Variants in ZNF534 observed in about 807,000 individuals in gnomAD.
ZNF534 encodes zinc finger protein 534.
In ZNF534, 19 loss-of-function variants were observed where a neutral mutation model predicts 13.6. The ratio of observed to expected loss-of-function variants is 1.40; its 90% CI spans 0.97 to 2.05. The LOEUF is 2.05. Among genes scored for constraint, ZNF534 ranks in the 30% most tolerant of loss-of-function variants. The probability of loss-of-function intolerance (pLI) is 0.00; values close to 1 mark genes in which losing one functional copy is unlikely to be tolerated. For synonymous variants in ZNF534, 244 were observed against 273.8 expected, an observed-to-expected ratio of 0.89 and a Z score of 1.07; for missense variants, 782 against 796.3, an observed-to-expected ratio of 0.98 and a Z score of 0.22.
rs200476034 is a variant in ZNF534, at chr19:52,439,243, C to T, written c.1783C>T (p.Arg595Ter). The T allele has an allele frequency of 2.3e-4, 361 of 1,561,952 alleles. 9 individuals are homozygous for T. The highest frequency in any genetic ancestry group is 7.3e-4 in the African/African-American group (53 of 73,084). Residue 595 changes from arginine (R) to a stop codon, truncating the protein, a stop_gained, in exon 5 of 5, where the codon CGA becomes TGA. Coordinates refer to ENST00000433050, the MANE Select transcript of ZNF534 (RefSeq NM_001143938.3). LOFTEE classifies it low-confidence loss of function (END_TRUNC). ...CTTCAGTCGGAATTCACACCTTGCG[C>T]GACATAGGAAAATTCATACTGGAGA... ...KVFSRNSHLA[R>*]HRKIHTGEKL...
chr19:52,433,878 T>C, intron 2 of ZNF534, 77 bp from the exon 3 acceptor site: 1 of 1,576,832 alleles, frequency 6.3e-7, no homozygotes, highest in Non-Finnish European at 8.7e-7. Context: ...AGTGAGTCCT[T>C]ACAACTGTCT....
chr19:52,451,578 G>T, exon 5 of ZNF534: 1 of 600,020 alleles, frequency 1.7e-6, no homozygotes, highest in Non-Finnish European at 3.0e-6. Context: ...TGGCTCTCCG[G>T]GCACGCGGGC....
At chr19:52,445,314 A>G (rs1168953046), downstream of ZNF534, among the ~76,000 whole-genome samples, 2 of 151,704 alleles carry the variant, frequency 1.3e-5, no homozygotes, top group Non-Finnish European at 2.9e-5. Flanking sequence ...CTCCTGCCTC[A>G]TCCTCCTGAC....
exon 5 of ZNF534, chr19:52,451,311 C>G: frequency 8.8e-7 from 1 of 1,140,410 alleles, no homozygotes; most frequent in Non-Finnish European, 1.3e-6. Context: ...CCTCGCCCCT[C>G]GCTCTGCTAC....
intron 1 of ZNF534, among the ~76,000 whole-genome samples, chr19:52,430,031 T>C (rs549200994): frequency 6.6e-6 from 1 of 151,930 alleles, no homozygotes; most frequent in Non-Finnish European, 1.5e-5. Flanking sequence ...TTTGGGTTTT[T>C]TTGAGACAGA....
intron 4 of ZNF534, among the ~76,000 whole-genome samples, chr19:52,435,862 G>A (rs2059125069): frequency 6.6e-6 from 1 of 151,636 alleles, no homozygotes; most frequent in African/African-American, 2.4e-5. Flanking sequence ...ATCTAGGAAA[G>A]CCTGAATTAT....
chr19:52,450,106 T>G (rs1173864194), intron 4 of ZNF534, among the ~76,000 whole-genome samples: 4 of 152,210 alleles, frequency 2.6e-5, no homozygotes, highest in African/African-American at 9.7e-5. Context: ...TGTAAATATT[T>G]TCTCTAATTC....
Position 52,438,646 on chromosome 19 carries a change from C to T in ZNF534, c.1186C>T (p.Arg396Cys), listed in dbSNP as rs767510488. The change falls in exon 5 of 5, where the codon CGC becomes TGC. Residue 396 changes from arginine (R) to cysteine (C), a missense_variant. By Grantham distance (180) the Arg-to-Cys change is radical. Around this residue, in one of 5 missense-constraint regions of ZNF534, gnomAD observed 591 missense variants for 574.0 expected, o/e 1.03. Coordinates refer to ENST00000433050, the MANE Select transcript of ZNF534 (RefSeq NM_001143938.3). ...ECGKVFIGNS[R>C]LARHRKIHTG... ...TGGCAAGGTCTTTATTGGCAATTCACGCCTTGCACGACATAGGAAAATTCA... is the reference window on the plus strand; with the variant it reads ...TGGCAAGGTCTTTATTGGCAATTCATGCCTTGCACGACATAGGAAAATTCA... 2.3e-5 allele frequency: 36 copies of T among 1,584,202 alleles called. No homozygotes were observed. Among genetic ancestry groups the T allele is most frequent in the Middle Eastern group, 1.7e-4 (1 of 6,038 alleles).
downstream of ZNF534, among the ~76,000 whole-genome samples, chr19:52,442,755 GC>G (rs1298987193): frequency 6.6e-6 from 1 of 152,232 alleles, no homozygotes; most frequent in African/African-American, 2.4e-5. Flanking sequence ...GGATGACAGG[GC>G]TGATTTCATT....
chr19:52,433,724 G>A (rs886524671), intron 2 of ZNF534: 4 of 570,590 alleles, frequency 7.0e-6, no homozygotes, highest in Non-Finnish European at 1.3e-5. Context: ...TGTATTGCTT[G>A]TATTATCCAC....
intron 1 of ZNF534, 63 bp from the exon 2 acceptor site, chr19:52,431,345 G>T: frequency 2.4e-6 from 3 of 1,229,978 alleles, no homozygotes; most frequent in Admixed American, 2.0e-5. Flanking sequence ...TTTTTGTGTG[G>T]CTGTGGCACA....
intron 3 of ZNF534, 61 bp downstream of exon 3, chr19:52,434,142 CTT>C: frequency 1.3e-6 from 2 of 1,574,004 alleles, no homozygotes; most frequent in Non-Finnish European, 1.7e-6. Flanking sequence ...TGCATTTTCT[CTT>C]GTGTGTCTCT....
In ZNF534 at chr19:52,434,069, C is replaced by A; in HGVS notation, c.130C>A (p.Leu44Met). Residue 44 changes from leucine to methionine, a missense_variant, in exon 3 of 5, where the codon CTG becomes ATG. Leu to Met is a conservative substitution (Grantham distance 15, BLOSUM62 2). Around this residue, in one of 5 missense-constraint regions of ZNF534, gnomAD observed 81 missense variants for 63.5 expected, o/e 1.28. Coordinates refer to ENST00000433050, the MANE Select transcript of ZNF534 (RefSeq NM_001143938.3). ...RDVMLENYRN[L>M]VSLGICLPDL... ...CGTGATGTTAGAGAACTACAGGAAC[C>A]TGGTCTCCCTAGGTGAGGATAATGT... The A allele has an allele frequency of 6.2e-7, 1 of 1,614,000 alleles. No individual in the cohort carries two copies. The highest frequency in any genetic ancestry group is 8.5e-7 in the Non-Finnish European group (1 of 1,179,970).
At chr19:52,431,365 T>G in intron 1 of ZNF534, 43 bp from the exon 2 acceptor site, 1 of 1,424,618 alleles carries the variant, frequency 7.0e-7, no homozygotes, top group Non-Finnish European at 9.8e-7. Flanking sequence ...AGGAAGTGGG[T>G]GTGTTGATTC....
In ZNF534 at chr19:52,440,918, C is replaced by T. The variant is rs1417618691; in HGVS notation, c.*1472C>T. On this transcript the variant is annotated 3_prime_UTR_variant, in exon 5 of 5. Coordinates refer to ENST00000433050, the MANE Select transcript of ZNF534 (RefSeq NM_001143938.3). ...ATAAGTCTTTTTTTTTTTTTTCCCC[C>T]GAAACAAGAGTCTCGCTCTGATGCC... 1.3e-5 allele frequency among the ~76,000 whole-genome samples: 2 copies of T among 150,166 alleles called. No homozygotes were observed. The highest frequency in any genetic ancestry group is 2.5e-5 in the African/African-American group (1 of 40,782).
chr19:52,433,486 C>T (rs1291039519), intron 2 of ZNF534, among the ~76,000 whole-genome samples: 1 of 152,032 alleles, frequency 6.6e-6, no homozygotes, highest in Non-Finnish European at 1.5e-5. Flanking sequence ...CCTGCCTCAG[C>T]CTCCTGAGTA....
chr19:52,450,860 T>C (rs956175647), intron 4 of ZNF534, among the ~76,000 whole-genome samples: 8 of 151,818 alleles, frequency 5.3e-5, no homozygotes, highest in African/African-American at 1.9e-4. Context: ...CTAATTTTTG[T>C]ATTTTTTGTA....
chr19:52,434,244 C>T, intron 3 of ZNF534, 163 bp downstream of exon 3: 3 of 1,044,106 alleles, frequency 2.9e-6, no homozygotes, highest in East Asian at 2.8e-5. Context: ...GCCTGTAATC[C>T]CAGCACTTTG....
At position 52,438,954 on chromosome 19, in the gene ZNF534, ATG is replaced by A. The variant is rs759018830; in HGVS notation, c.1497_1498del (p.Cys499TrpfsTer14). The A allele has an allele frequency of 1.9e-6, 3 of 1,604,902 alleles. No homozygotes were observed. The highest frequency in any genetic ancestry group is 2.6e-6 in the Non-Finnish European group (3 of 1,175,164). On this transcript the variant is annotated frameshift_variant, in exon 5 of 5. Transcript: ENST00000433050. LOFTEE classifies it low-confidence loss of function (END_TRUNC). ...GAGAGAAGCTTTACAAATGTAATGAATGTGGCAAGGTCTTCCGTCAGAATTCA... is the reference window on the plus strand; with the variant it reads ...GAGAGAAGCTTTACAAATGTAATGAATGGCAAGGTCTTCCGTCAGAATTCA... The part of the protein sequence containing the change: ...TGEKLYKCNE[C>X]GKVFRQNSHL...
Sources: gnomAD v4.1 joint callset for allele counts (sites outside exome capture counted in the v4.1 genomes callset) on GRCh38, gnomAD v4.1.1 for gene constraint, gnomAD v4.1.1 regional missense constraint, MANE v1.5 for transcripts, NCBI Gene and HGNC (gene_info 2026-07-23, HGNC 2026-07-21) for gene names.